The following NPAS3 variants were observed in gnomAD, a reference collection of about 807,000 sequenced individuals.
NPAS3 encodes neuronal PAS domain protein 3.
In NPAS3, 14 loss-of-function variants were observed where a neutral mutation model predicts 73.1. The ratio of observed to expected loss-of-function variants is 0.19; its 90% confidence interval spans 0.13 to 0.30. The LOEUF (loss-of-function observed/expected upper bound fraction) is 0.30, where lower values mean the gene tolerates loss of function less well. Among genes scored for constraint, NPAS3 ranks in the 10% least tolerant of loss-of-function variants. The pLI is 1.00. For synonymous variants in NPAS3, 620 were observed against 541.5 expected (o/e 1.14, Z -2.01); for missense variants, 1,096 against 1,250.0 (o/e 0.88, Z 1.86).
At chr14:33,219,982 C>T (rs1010556715) in intron 3 of NPAS3, among the ~76,000 whole-genome samples, 1 of 152,132 alleles carries the variant, frequency 6.6e-6, no homozygotes, top group African/African-American at 2.4e-5. Flanking sequence ...GACATTCATG[C>T]TATGGGGCAA....
chr14:33,766,754 AC>A (rs1222577568), intron 7 of NPAS3, among the ~76,000 whole-genome samples: 19 of 152,150 alleles, frequency 1.2e-4, no homozygotes, highest in Admixed American at 3.9e-4. Context: ...CCATCTCCAT[AC>A]ATAGCTGATG....
At chr14:33,604,550 C>T (rs1436867722) in intron 5 of NPAS3, among the ~76,000 whole-genome samples, 22 of 152,066 alleles carry the variant, frequency 1.4e-4, no homozygotes, top group Non-Finnish European at 5.9e-5. Context: ...TTCTCATAGA[C>T]AGAAAGTCAG....
chr14:33,143,844 T>G (rs2044146064), intron 2 of NPAS3, among the ~76,000 whole-genome samples: 1 of 152,240 alleles, frequency 6.6e-6, no homozygotes. Flanking sequence ...CTGGTTTCTT[T>G]CACTGAGCCT....
chr14:33,039,242 C>A (rs1266530326), intron 1 of NPAS3, among the ~76,000 whole-genome samples: 1 of 152,092 alleles, frequency 6.6e-6, no homozygotes, highest in Non-Finnish European at 1.5e-5. Context: ...GCTTTTATTG[C>A]ATTTTAATAA....
chr14:33,023,936 G>A (rs2039697997), intron 1 of NPAS3, among the ~76,000 whole-genome samples: 1 of 152,074 alleles, frequency 6.6e-6, no homozygotes, highest in Non-Finnish European at 1.5e-5. Flanking sequence ...CACTAATGTA[G>A]GGGTGCAAAG....
intron 5 of NPAS3, among the ~76,000 whole-genome samples, chr14:33,569,539 C>T (rs1328779288): frequency 5.3e-5 from 8 of 152,060 alleles, no homozygotes; most frequent in Non-Finnish European, 1.0e-4. Context: ...AACCCCTTCC[C>T]TCTTGGCCTT....
chr14:33,709,140 G>A (rs2060745448), intron 6 of NPAS3, among the ~76,000 whole-genome samples: 1 of 152,160 alleles, frequency 6.6e-6, no homozygotes, highest in East Asian at 1.9e-4. Context: ...CCACTCTTCT[G>A]CCTGCCTGCG....
At chr14:32,989,890 G>A (rs929072306) in intron 1 of NPAS3, among the ~76,000 whole-genome samples, 1 of 152,160 alleles carries the variant, frequency 6.6e-6, no homozygotes, top group Non-Finnish European at 1.5e-5. Flanking sequence ...TCAGTGTGAA[G>A]CTCTTGCAGT....
intron 1 of NPAS3, among the ~76,000 whole-genome samples, chr14:33,029,495 T>A (rs897605534): frequency 4.6e-5 from 7 of 152,176 alleles, no homozygotes; most frequent in African/African-American, 1.7e-4. Flanking sequence ...CCATTAATAG[T>A]TCTCTTTTAT....
At chr14:33,128,702 C>G (rs1224016084) in intron 2 of NPAS3, among the ~76,000 whole-genome samples, 2 of 152,060 alleles carry the variant, frequency 1.3e-5, no homozygotes, top group African/African-American at 2.4e-5. Context: ...ATTGTATACT[C>G]AATACATATT....
At chr14:32,987,580 C>T (rs1268165518) in intron 1 of NPAS3, among the ~76,000 whole-genome samples, 1 of 152,068 alleles carries the variant, frequency 6.6e-6, no homozygotes, top group Non-Finnish European at 1.5e-5. Context: ...AGTAATATAG[C>T]ATTTTTCTTG....
chr14:33,367,821 A>G (rs758863760), intron 4 of NPAS3, among the ~76,000 whole-genome samples: 9 of 152,218 alleles, frequency 5.9e-5, no homozygotes, highest in Non-Finnish European at 1.3e-4. Context: ...TGATTTTGCC[A>G]GTGAACTTCA....
intron 4 of NPAS3, among the ~76,000 whole-genome samples, chr14:33,467,365 T>C (rs1168397101): frequency 6.6e-6 from 1 of 152,166 alleles, no homozygotes; most frequent in East Asian, 1.9e-4. Flanking sequence ...TCTCTCTCTT[T>C]GGGGGAAGTA....
chr14:33,224,823 A>T (rs1367483829), intron 3 of NPAS3, among the ~76,000 whole-genome samples: 2 of 152,170 alleles, frequency 1.3e-5, no homozygotes, highest in East Asian at 3.8e-4. Flanking sequence ...TGATTCTATG[A>T]AAAGAATAAT....
At chr14:33,104,047 T>C (rs1219259034) in intron 2 of NPAS3, among the ~76,000 whole-genome samples, 1 of 152,082 alleles carries the variant, frequency 6.6e-6, no homozygotes, top group East Asian at 1.9e-4. Context: ...ATAGGGAACA[T>C]GAAAGGAGAA....
At chr14:33,775,380 C>T (rs1395611403) in intron 8 of NPAS3, among the ~76,000 whole-genome samples, 2 of 152,272 alleles carry the variant, frequency 1.3e-5, no homozygotes, top group African/African-American at 4.8e-5. Context: ...GATGCTTTTG[C>T]AGCGCTGTTG....
intron 2 of NPAS3, among the ~76,000 whole-genome samples, chr14:33,097,561 C>G (rs927084098): frequency 1.3e-5 from 2 of 152,182 alleles, no homozygotes; most frequent in African/African-American, 2.4e-5. Context: ...GTAGTTTGCT[C>G]AGTCCTAGGA....
chr14:33,773,986 C>T (rs1354788912), intron 7 of NPAS3, among the ~76,000 whole-genome samples: 4 of 152,122 alleles, frequency 2.6e-5, no homozygotes, highest in African/African-American at 9.7e-5. Flanking sequence ...CAGATGTCGT[C>T]CATTAATAAG....
At chr14:33,095,751 C>G (rs1818297553) in intron 2 of NPAS3, among the ~76,000 whole-genome samples, 1 of 148,588 alleles carries the variant, frequency 6.7e-6, no homozygotes, top group African/African-American at 2.5e-5. Context: ...TCACTGCAAG[C>G]TCCGCCTCCC....
Sources: gnomAD v4.1 joint callset for allele counts (sites outside exome capture counted in the v4.1 genomes callset) on GRCh38, gnomAD v4.1.1 for gene constraint, MANE v1.5 for transcripts, NCBI Gene and HGNC (gene_info 2026-07-23, HGNC 2026-07-21) for gene names.